Variants in CCDC110 observed in about 807,000 individuals in gnomAD.
CCDC110 encodes the protein coiled-coil domain-containing protein 110.
CCDC110 carries 70 observed loss-of-function variants against 77.1 expected under a neutral mutation model. That is an observed-to-expected ratio of 0.91 (90% CI 0.75 to 1.11). The LOEUF is 1.11. Among genes scored for constraint, CCDC110 ranks in the 50% least tolerant of loss-of-function variants. The probability of loss-of-function intolerance (pLI) is 0.00; values close to 1 mark genes in which losing one functional copy is unlikely to be tolerated. For missense variants in CCDC110, 868 were observed against 942.9 expected (o/e 0.92, Z 1.04); for synonymous variants, 295 against 312.5 (o/e 0.94, Z 0.59).
intron 6 of CCDC110, among the ~76,000 whole-genome samples, chr4:185,455,782 C>T (rs1580175307): frequency 6.6e-6 from 1 of 152,116 alleles, no homozygotes; most frequent in Non-Finnish European, 1.5e-5. Context: ...ACTCGGGAGG[C>T]TGAGGCAGGA....
At chr4:185,465,335 G>A (rs1032937997) in intron 2 of CCDC110, among the ~76,000 whole-genome samples, 7 of 152,186 alleles carry the variant, frequency 4.6e-5, no homozygotes, top group Non-Finnish European at 1.0e-4. Context: ...TAAGAAATAT[G>A]AGACCAAAAG....
chr4:185,451,127 C>G (rs561371086), intron 6 of CCDC110, among the ~76,000 whole-genome samples: 1 of 152,172 alleles, frequency 6.6e-6, no homozygotes, highest in African/African-American at 2.4e-5. Context: ...TTCTGATTCT[C>G]TCTTTTCTGC....
At chr4:185,449,643 A>C in intron 6 of CCDC110, 1 of 1,532,776 alleles carries the variant, frequency 6.5e-7, no homozygotes, top group Non-Finnish European at 8.8e-7. Flanking sequence ...CCATCCTATT[A>C]GCAACTGGAA....
intron 2 of CCDC110, among the ~76,000 whole-genome samples, chr4:185,466,242 GCA>G (rs2153324115): frequency 6.6e-6 from 1 of 152,088 alleles, no homozygotes; most frequent in Admixed American, 6.5e-5. Flanking sequence ...GGGTGTGGTG[GCA>G]TGTGCCTGTA....
Position 185,458,957 on chromosome 4 carries a change from C to T in CCDC110, c.1630G>A (p.Asp544Asn). ...TTGTGTTCCTTACTTTTTAGTTGAT[C>T]TAATGCTTCCATCATTTGTTGCTTC... The part of the protein sequence containing the change: ...LEKQQMMEAL[D>N]QLKSKEHKTQ... Residue 544 changes from aspartate (D) to asparagine (N), a missense_variant, in exon 6 of 7, where the codon GAT becomes AAT. Coordinates refer to ENST00000307588, the MANE Select transcript of CCDC110 (RefSeq NM_152775.4). The T allele has an allele frequency of 6.2e-7, 1 of 1,606,934 alleles. No homozygotes were observed. Among genetic ancestry groups the T allele is most frequent in the Non-Finnish European group, 8.5e-7 (1 of 1,178,030 alleles).
chr4:185,445,844 CTTT>C (rs1326072761), intron 6 of CCDC110, among the ~76,000 whole-genome samples: 2 of 151,968 alleles, frequency 1.3e-5, no homozygotes, highest in Admixed American at 6.6e-5. Flanking sequence ...AGGTGTATTT[CTTT>C]TTTATTTTTT....
chr4:185,459,671 C>A lies in CCDC110; in HGVS notation c.916G>T (p.Asp306Tyr). 1 of 1,611,486 alleles carries A rather than the reference C, an allele frequency of 6.2e-7. No individual in the cohort carries two copies. The highest frequency in any genetic ancestry group is 8.5e-7 in the Non-Finnish European group (1 of 1,179,216). ...EENLDGNLNE[D>Y]IKSKRISELE... ...TCTGAAATTCTCTTTGATTTTATAT[C>A]TTCATTTAAGTTACCGTCCAAGTTT... Residue 306 changes from aspartate to tyrosine, a missense_variant, in exon 6 of 7, where the codon GAT becomes TAT. Coordinates refer to ENST00000307588, the MANE Select transcript of CCDC110 (RefSeq NM_152775.4).
At chr4:185,449,489 C>A in intron 6 of CCDC110, 2 of 684,544 alleles carry the variant, frequency 2.9e-6, no homozygotes, top group Non-Finnish European at 4.9e-6. Context: ...CACCACTGCA[C>A]TCCAGCCTGG....
At chr4:185,463,534 GT>G (rs1421833042) in intron 2 of CCDC110, among the ~76,000 whole-genome samples, 1 of 152,216 alleles carries the variant, frequency 6.6e-6, no homozygotes, top group Admixed American at 6.5e-5. Context: ...GGGAAGGGCA[GT>G]TTCACATTCA....
rs556839595 is a variant in CCDC110, at chr4:185,468,387, A to G, written c.115+2558T>C. ...AGAGGCAATATGATGATAATTTGGTAAATTCAAAATTTCTAGTCAAGACGG... is the reference window on the plus strand; with the variant it reads ...AGAGGCAATATGATGATAATTTGGTGAATTCAAAATTTCTAGTCAAGACGG... On this transcript the variant is annotated intron_variant, in intron 2 of 6. Transcript: ENST00000307588. The surrounding 1 kb of genome is among the most constrained non-coding windows in gnomAD (Gnocchi z 4.5). Among the ~76,000 whole-genome samples, 6 of 152,332 alleles carry G rather than the reference A, an allele frequency of 3.9e-5. No individual in the cohort carries two copies. In the South Asian group the frequency reaches 1.2e-3, roughly 32 times the overall value.
chr4:185,457,162 C>T (rs1048895313), intron 6 of CCDC110: 1 of 438,518 alleles, frequency 2.3e-6, no homozygotes, highest in African/African-American at 2.0e-5. Context: ...CCAGGATCAC[C>T]TCCAATAAAT....
chr4:185,458,132 A>C lies in CCDC110; in HGVS notation c.2455T>G (p.Leu819Val). The part of the protein sequence containing the change: ...SPQSRPLASD[L>V]KGYFKVKDRT... ...TCTACCAGGACTTGCGTACCTTTCA[A>C]ATCCGAAGCCAAAGGCCTACTCTGA... The change falls in exon 6 of 7, where the codon TTG becomes GTG. Residue 819 changes from leucine to valine, a missense_variant. Transcript: ENST00000307588. 6.5e-7 allele frequency: 1 copy of C among 1,548,030 alleles called. No individual in the cohort carries two copies. Among genetic ancestry groups the C allele is most frequent in the Non-Finnish European group, 8.6e-7 (1 of 1,157,254 alleles).
intron 6 of CCDC110, 68 bp from the exon 7 acceptor site, chr4:185,445,610 T>G: frequency 9.8e-7 from 1 of 1,019,172 alleles, no homozygotes; most frequent in Non-Finnish European, 1.5e-6. Flanking sequence ...TGAGAAAAAG[T>G]ATATTATCAA....
chr4:185,447,167 GTTTGA>G (rs2095614536), intron 6 of CCDC110, among the ~76,000 whole-genome samples: 1 of 148,176 alleles, frequency 6.7e-6, no homozygotes, highest in Non-Finnish European at 1.5e-5. Context: ...ATATAGCTAT[GTTTGA>G]TTTTATATTT....
intron 2 of CCDC110, among the ~76,000 whole-genome samples, chr4:185,466,289 C>T (rs1332658467): frequency 1.3e-5 from 2 of 152,026 alleles, no homozygotes; most frequent in African/African-American, 2.4e-5. Context: ...GCAGGAGAAT[C>T]GTTTGAACGT....
Position 185,458,121 on chromosome 4 carries a change from C to A in CCDC110, c.2461+5G>T. 1.3e-6 allele frequency: 2 copies of A among 1,532,418 alleles called. No homozygotes were observed. The highest frequency in any genetic ancestry group is 1.7e-6 in the Non-Finnish European group (2 of 1,146,634). 94.9% of individuals were successfully genotyped at this position (1,532,418 alleles called of 1,614,324 possible). On this transcript the variant is annotated splice_donor_5th_base_variant and intron_variant, in intron 6 of 6. Transcript: ENST00000307588. ...ATCTCTACTAATCTACCAGGACTTGCGTACCTTTCAAATCCGAAGCCAAAG... is the reference window on the plus strand; with the variant it reads ...ATCTCTACTAATCTACCAGGACTTGAGTACCTTTCAAATCCGAAGCCAAAG...
Position 185,459,441 on chromosome 4 carries a change from C to CA in CCDC110, c.1145dup (p.Ser383ValfsTer9), listed in dbSNP as rs1261206139. ...CATGTTTTGTTTGGTCGAGGAAGGACAGTGTGTATCTTGGAACTCTGGAAT... is the reference window on the plus strand; with the variant it reads ...CATGTTTTGTTTGGTCGAGGAAGGACAAGTGTGTATCTTGGAACTCTGGAAT... On this transcript the variant is annotated frameshift_variant, in exon 6 of 7. Transcript: ENST00000307588. LOFTEE classifies it high-confidence loss of function. 2 of 1,613,230 alleles carry CA rather than the reference C, an allele frequency of 1.2e-6. No homozygotes were observed. The highest frequency in any genetic ancestry group is 1.7e-6 in the Non-Finnish European group (2 of 1,179,422).
chr4:185,457,335 G>C, intron 6 of CCDC110: 1 of 455,956 alleles, frequency 2.2e-6, no homozygotes, highest in Non-Finnish European at 4.4e-6. Flanking sequence ...TCCACCTACA[G>C]GAAAGGGCAG....
Position 185,462,621 on chromosome 4 carries a change from A to G in CCDC110, c.237+22T>C, listed in dbSNP as rs2095648424. On this transcript the variant is annotated intron_variant, in intron 4 of 6. Coordinates refer to ENST00000307588, the MANE Select transcript of CCDC110 (RefSeq NM_152775.4). ...GATACTTCAAGGTGAGATATTTCATATATAGATCAAAAGAAACATACCATG... is the reference window on the plus strand; with the variant it reads ...GATACTTCAAGGTGAGATATTTCATGTATAGATCAAAAGAAACATACCATG... 21 of 1,587,136 alleles carry G rather than the reference A, an allele frequency of 1.3e-5. 1 individual carries two copies. In the South Asian group the frequency reaches 2.3e-4, roughly 18 times the overall value.
Sources: allele counts gnomAD v4.1 joint callset (sites outside exome capture counted in the v4.1 genomes callset), GRCh38; gene constraint gnomAD v4.1.1; non-coding constraint Gnocchi (gnomAD v3.1); transcripts MANE v1.5; gene names NCBI Gene and HGNC (gene_info 2026-07-23, HGNC 2026-07-21).